Variants in TSC22D2 observed in about 807,000 individuals in gnomAD.
The protein encoded by TSC22D2 is TSC22 domain family protein 2.
Under a neutral mutation model 50.1 loss-of-function variants are expected in TSC22D2, and 5 were observed. The ratio of observed to expected loss-of-function variants is 0.10; its 90% confidence interval spans 0.05 to 0.21. The LOEUF is 0.21. Among genes scored for constraint, TSC22D2 ranks in the 10% least tolerant of loss-of-function variants. The probability of loss-of-function intolerance (pLI) is 1.00; values close to 1 mark genes in which losing one functional copy is unlikely to be tolerated. For synonymous variants in TSC22D2, 501 were observed against 450.1 expected (o/e 1.11, Z -1.43); for missense variants, 1,003 against 1,015.5 (o/e 0.99, Z 0.17).
In TSC22D2 at chr3:150,410,619, C is replaced by T. The variant is rs951704613; in HGVS notation, c.1269C>T (p.Gly423=). 4 of 1,555,760 alleles carry T rather than the reference C, an allele frequency of 2.6e-6. No individual in the cohort carries two copies. Among genetic ancestry groups the T allele is most frequent in the Admixed American group, 3.8e-5 (2 of 52,234 alleles). The part of the protein sequence containing the change: ...VGTGQNASSV[G]AQLMGASSQP... ...CCGGCCAGAATGCTTCCTCGGTGGG[C>T]GCGCAGCTCATGGGCGCGTCTTCCC... is the stretch of plus-strand genomic sequence containing the variant. Residue 423 remains glycine (G), a synonymous_variant, in exon 1 of 3, where the codon GGC becomes GGT. Coordinates refer to ENST00000688009, the MANE Select transcript of TSC22D2 (RefSeq NM_001303264.2).
chr3:150,428,173 T>C (rs1004233354), intron 1 of TSC22D2, among the ~76,000 whole-genome samples: 1 of 152,178 alleles, frequency 6.6e-6, no homozygotes, highest in South Asian at 2.1e-4. Flanking sequence ...TCTGGTCTTA[T>C]TGGTGTGGAG....
intron 1 of TSC22D2, among the ~76,000 whole-genome samples, chr3:150,446,277 A>G (rs1720887247): frequency 6.6e-6 from 1 of 152,210 alleles, no homozygotes; most frequent in Non-Finnish European, 1.5e-5. Context: ...GACAAGAGAT[A>G]ATAAACTGAA....
intron 1 of TSC22D2, among the ~76,000 whole-genome samples, chr3:150,412,723 T>C (rs374460000): frequency 6.6e-6 from 1 of 152,160 alleles, no homozygotes; most frequent in African/African-American, 2.4e-5. Flanking sequence ...TGTGTGGGAC[T>C]ACTAAGTAAA....
intron 1 of TSC22D2, among the ~76,000 whole-genome samples, chr3:150,451,670 A>G (rs531730992): frequency 1.3e-5 from 2 of 152,300 alleles, no homozygotes; most frequent in African/African-American, 4.8e-5. Context: ...TCTTTGAGCA[A>G]GTTACTTGAC....
chr3:150,448,174 T>G (rs970463274), intron 1 of TSC22D2, among the ~76,000 whole-genome samples: 47 of 151,290 alleles, frequency 3.1e-4, no homozygotes, highest in African/African-American at 1.1e-3. Context: ...GAAATAATGA[T>G]TTCATCTAAT....
chr3:150,419,550 G>A (rs562971479), intron 1 of TSC22D2, among the ~76,000 whole-genome samples: 1 of 152,176 alleles, frequency 6.6e-6, no homozygotes, highest in South Asian at 2.1e-4. Context: ...AGAGGTGTTT[G>A]TTGAGTGCTC....
At chr3:150,425,894 A>T (rs1282350938) in intron 1 of TSC22D2, among the ~76,000 whole-genome samples, 1 of 152,224 alleles carries the variant, frequency 6.6e-6, no homozygotes, top group African/African-American at 2.4e-5. Context: ...TATTTAAATT[A>T]GAATTGGCAA....
chr3:150,440,271 AATTTG>A (rs142762635), intron 1 of TSC22D2, among the ~76,000 whole-genome samples: 2,664 of 152,282 alleles, frequency 0.017, 33 homozygotes, highest in Non-Finnish European at 0.027. Flanking sequence ...TGAATTCATA[AATTTG>A]ATTTATCTTG....
chr3:150,429,286 G>A lies in TSC22D2; in HGVS notation c.1958+17978G>A, dbSNP rs115515872. Among the ~76,000 whole-genome samples, 451 of 152,148 alleles carry A rather than the reference G, an allele frequency of 3.0e-3. 2 individuals carry two copies. The highest frequency in any genetic ancestry group is 0.01 in the African/African-American group (433 of 41,512). On this transcript the variant is annotated intron_variant, in intron 1 of 2. Transcript: ENST00000688009. ...TAAATGAAGCCCCACAAATAACTAG[G>A]CACCAGTTATCACCATGCTGATGAT...
At position 150,409,325 on chromosome 3, in the gene TSC22D2, C is replaced by T. The variant is rs761510319; in HGVS notation, c.-26C>T. 5.2e-5 allele frequency: 81 copies of T among 1,563,688 alleles called. No individual in the cohort carries two copies. The highest frequency in any genetic ancestry group is 6.8e-5 in the African/African-American group (5 of 73,192). ...ACAGGACCCAGAGGAGCCGGCGTGC[C>T]TCTCTGCCCTCCAGCCTTCTTCACC... On this transcript the variant is annotated 5_prime_UTR_variant, in exon 1 of 3. Coordinates refer to ENST00000688009, the MANE Select transcript of TSC22D2 (RefSeq NM_001303264.2). This position sits in a 1 kb window ranked among gnomAD's most constrained non-coding sequence, Gnocchi z 7.4.
rs1363369073 is a variant in TSC22D2 at position 150,409,962 on chromosome 3, C to T, written c.612C>T (p.His204=). The change falls in exon 1 of 3, where the codon CAC becomes CAT. Residue 204 remains histidine (H), a synonymous_variant. Coordinates refer to ENST00000688009, the MANE Select transcript of TSC22D2 (RefSeq NM_001303264.2). This position sits in a 1 kb window ranked among gnomAD's most constrained non-coding sequence, Gnocchi z 7.4. ...CTAGATCCGGGGATTGCATTAGACA[C>T]AGCAGTACTTTTGACCAGACTGCGG... is the stretch of plus-strand genomic sequence containing the variant. ...VLTRSGDCIR[H]SSTFDQTAER... 1 of 1,613,986 alleles carries T rather than the reference C, an allele frequency of 6.2e-7. No homozygotes were observed. The highest frequency in any genetic ancestry group is 1.7e-5 in the Admixed American group (1 of 60,034).
rs1410159222 is a variant in TSC22D2 at position 150,464,505 on chromosome 3, G to A, written c.*5869G>A. On this transcript the variant is annotated 3_prime_UTR_variant, in exon 3 of 3. Coordinates refer to ENST00000688009, the MANE Select transcript of TSC22D2 (RefSeq NM_001303264.2). ...TGTACTGGATGTTTGGGGATAGAAA[G>A]ATGAATGGGACATGATTTGTGTGCT... is the stretch of plus-strand genomic sequence containing the variant. 2 of 152,154 alleles carry A rather than the reference G, an allele frequency of 1.3e-5. No individual in the cohort carries two copies. The highest frequency in any genetic ancestry group is 3.8e-4 in the East Asian group (2 of 5,200). 9.4% of individuals were successfully genotyped at this position (152,154 alleles called of 1,614,324 possible). A position where few individuals can be genotyped will look rare whatever the true frequency, so the allele number is the denominator to read the frequency against.
At chr3:150,449,464 A>G (rs1720977642) in intron 1 of TSC22D2, among the ~76,000 whole-genome samples, 2 of 152,154 alleles carry the variant, frequency 1.3e-5, no homozygotes, top group African/African-American at 4.8e-5. Flanking sequence ...AAATCAATGT[A>G]TATTATCTTC....
At chr3:150,456,953 T>A (rs779664129) in intron 1 of TSC22D2, 123 bp from the exon 2 acceptor site, 11 of 800,554 alleles carry the variant, frequency 1.4e-5, no homozygotes, top group Non-Finnish European at 2.1e-5. Flanking sequence ...CAGAACAGAA[T>A]AAGCTATTTT....
chr3:150,411,054 A>C lies in TSC22D2; in HGVS notation c.1704A>C (p.Ala568=). ...GLPLAPGTHS[A]PTSLPQSDLS... ...CCTTAGCGCCAGGCACACACAGCGC[A>C]CCAACAAGTCTACCACAGTCTGACC... Residue 568 remains alanine, a synonymous_variant, in exon 1 of 3, where the codon GCA becomes GCC. Transcript: ENST00000688009. The C allele has an allele frequency of 6.2e-7, 1 of 1,614,210 alleles. No homozygotes were observed. Among genetic ancestry groups the C allele is most frequent in the Non-Finnish European group, 8.5e-7 (1 of 1,180,038 alleles).
intron 1 of TSC22D2, among the ~76,000 whole-genome samples, chr3:150,412,308 A>G (rs1350865908): frequency 6.6e-6 from 1 of 152,184 alleles, no homozygotes; most frequent in African/African-American, 2.4e-5. Context: ...CAGGAATTTC[A>G]CAGTTAGACA....
At chr3:150,433,220 G>T (rs1226497376) in intron 1 of TSC22D2, among the ~76,000 whole-genome samples, 1 of 152,174 alleles carries the variant, frequency 6.6e-6, no homozygotes, top group Non-Finnish European at 1.5e-5. Context: ...AGATTTGGAA[G>T]GTGCTATTGT....
chr3:150,458,860 G>C lies in TSC22D2; in HGVS notation c.*224G>C. ...TCATCAGTACACAAGGAGAATAATA[G>C]ATGGGGTTTATTAAAGCGAGCAAAG... On this transcript the variant is annotated 3_prime_UTR_variant, in exon 3 of 3. Coordinates refer to ENST00000688009, the MANE Select transcript of TSC22D2 (RefSeq NM_001303264.2). The C allele has an allele frequency of 9.8e-6, 5 of 511,816 alleles. No homozygotes were observed. The highest frequency in any genetic ancestry group is 1.7e-5 in the Non-Finnish European group (5 of 298,446). The allele number at this position is 511,816 out of a possible 1,614,324, so 31.7% of individuals were successfully genotyped here.
At position 150,466,233 on chromosome 3, in the gene TSC22D2, T is replaced by C. The variant is rs1313359362; in HGVS notation, c.*7597T>C. On this transcript the variant is annotated 3_prime_UTR_variant, in exon 3 of 3. Transcript: ENST00000688009. ...CACACACACACACACACACAAATAC[T>C]GTATAGTGTACTTCTACAAGTACAT... 1 of 149,924 alleles carries C rather than the reference T, an allele frequency of 6.7e-6. No homozygotes were observed. The highest frequency in any genetic ancestry group is 2.5e-5 in the African/African-American group (1 of 39,956). 9.3% of individuals were successfully genotyped at this position (149,924 alleles called of 1,614,324 possible).
Sources: gnomAD v4.1 joint callset for allele counts (sites outside exome capture counted in the v4.1 genomes callset) on GRCh38, gnomAD v4.1.1 for gene constraint, Gnocchi (gnomAD v3.1) non-coding constraint, MANE v1.5 for transcripts, NCBI Gene and HGNC (gene_info 2026-07-23, HGNC 2026-07-21) for gene names.